KCNK15: variants seen among roughly 807,000 people sequenced by gnomAD.
KCNK15 encodes the protein potassium channel subfamily K member 15.
Under a neutral mutation model 8.5 loss-of-function variants are expected in KCNK15, and 9 were observed. That is an observed-to-expected ratio of 1.06 (90% CI 0.64 to 1.85). The LOEUF is 1.85. KCNK15 is among the 40% of genes most tolerant of loss of function. The pLI, the probability that KCNK15 is intolerant of heterozygous loss-of-function variation, is 0.00. For missense variants in KCNK15, 467 were observed against 476.8 expected, an observed-to-expected ratio of 0.98 and a Z score of 0.19; for synonymous variants, 224 against 232.7, an observed-to-expected ratio of 0.96 and a Z score of 0.34.
rs1180018302 is a variant in KCNK15 at position 44,746,132 on chromosome 20, C to T, written c.222C>T (p.Ala74=). 5 of 1,428,928 alleles carry T rather than the reference C, an allele frequency of 3.5e-6. No homozygotes were observed. Among genetic ancestry groups the T allele is most frequent in the Admixed American group, 5.5e-5 (2 of 36,354 alleles). The allele number at this position is 1,428,928 out of a possible 1,614,324, so 88.5% of individuals were successfully genotyped here. A position where few individuals can be genotyped will look rare whatever the true frequency, so the allele number is the denominator to read the frequency against. The part of the protein sequence containing the change: ...RLALQAEPHR[A]GRQWKFPGSF... ...CGCTCCAGGCTGAGCCCCACCGCGC[C>T]GGCCGCCAGTGGAAGTTCCCCGGCT... Residue 74 remains alanine, a synonymous_variant, in exon 1 of 2, where the codon GCC becomes GCT. Transcript: ENST00000372861.
rs1282898858 is a variant in KCNK15 at position 44,745,999 on chromosome 20, AG to A, written c.90del (p.Glu30AspfsTer91). The A allele has an allele frequency of 2.6e-6, 4 of 1,532,434 alleles. No homozygotes were observed. Among genetic ancestry groups the A allele is most frequent in the Non-Finnish European group, 3.5e-6 (4 of 1,140,446 alleles). The allele number at this position is 1,532,434 out of a possible 1,614,324, so 94.9% of individuals were successfully genotyped here. A position where few individuals can be genotyped will look rare whatever the true frequency, so the allele number is the denominator to read the frequency against. On this transcript the variant is annotated frameshift_variant, in exon 1 of 2. Coordinates refer to ENST00000372861, the MANE Select transcript of KCNK15 (RefSeq NM_022358.4). LOFTEE classifies it high-confidence loss of function. Reference protein sequence around the residue: ...LVGAAVFDALESEAESGRQRL... With the variant: ...LVGAAVFDALXSEAESGRQRL... The stretch of plus-strand genomic sequence containing the variant: ...GGCGCTGCTGTCTTCGACGCGCTCG[AG>A]TCCGAGGCGGAAAGCGGCCGCCAGC...
At position 44,751,332 on chromosome 20, in the gene KCNK15, T is replaced by G. The variant is rs1371829577; in HGVS notation, c.*494T>G. ...AGTCCAGTGTTGACAAGGGGGTCAA[T>G]CTCTTGCGCTAAACGATCTCATTCT... On this transcript the variant is annotated 3_prime_UTR_variant, in exon 2 of 2. Coordinates refer to ENST00000372861, the MANE Select transcript of KCNK15 (RefSeq NM_022358.4). The G allele has an allele frequency of 6.6e-6, 1 of 152,352 alleles. No individual in the cohort carries two copies. The highest frequency in any genetic ancestry group is 2.4e-5 in the African/African-American group (1 of 41,426). The allele number at this position is 152,352 out of a possible 1,614,324, so 9.4% of individuals were successfully genotyped here. A position where few individuals can be genotyped will look rare whatever the true frequency, so the allele number is the denominator to read the frequency against.
In KCNK15 at chr20:44,746,138, C is replaced by T. The variant is rs1367841623; in HGVS notation, c.228C>T (p.Arg76=). The T allele has an allele frequency of 7.0e-7, 1 of 1,424,388 alleles. No homozygotes were observed. Among genetic ancestry groups the T allele is most frequent in the Non-Finnish European group, 9.2e-7 (1 of 1,081,936 alleles). The allele number at this position is 1,424,388 out of a possible 1,614,324, so 88.2% of individuals were successfully genotyped here. A position where few individuals can be genotyped will look rare whatever the true frequency, so the allele number is the denominator to read the frequency against. The change falls in exon 1 of 2, where the codon CGC becomes CGT. Residue 76 remains arginine (R), a synonymous_variant. Transcript: ENST00000372861. The part of the protein sequence containing the change: ...ALQAEPHRAG[R]QWKFPGSFYF... ...AGGCTGAGCCCCACCGCGCCGGCCG[C>T]CAGTGGAAGTTCCCCGGCTCCTTCT...
At chr20:44,747,627 G>A (rs62204582) in intron 1 of KCNK15, among the ~76,000 whole-genome samples, 4,084 of 152,306 alleles carry the variant, frequency 0.027, 76 homozygotes, top group Admixed American at 0.048. Context: ...TCTGAGGTAC[G>A]TCTGGGAGGC....
At chr20:44,749,624 T>C (rs2073259413) in intron 1 of KCNK15, among the ~76,000 whole-genome samples, 1 of 152,126 alleles carries the variant, frequency 6.6e-6, no homozygotes, top group Admixed American at 6.6e-5. Context: ...GATGAACACC[T>C]GCCGCGTAAC....
intron 1 of KCNK15, among the ~76,000 whole-genome samples, chr20:44,748,122 C>G (rs181246614): frequency 6.6e-6 from 1 of 152,304 alleles, no homozygotes; most frequent in East Asian, 1.9e-4. Context: ...TCATTTCACT[C>G]TCTGCCAAAA....
Position 44,750,813 on chromosome 20 carries a change from TTGGGGCCCGG to T in KCNK15, c.972_981del (p.Ala325SerfsTer37). 6.8e-7 allele frequency: 1 copy of T among 1,477,504 alleles called. No homozygotes were observed. The highest frequency in any genetic ancestry group is 8.9e-7 in the Non-Finnish European group (1 of 1,118,154). 91.5% of individuals were successfully genotyped at this position (1,477,504 alleles called of 1,614,324 possible). A position where few individuals can be genotyped will look rare whatever the true frequency, so the allele number is the denominator to read the frequency against. On this transcript the variant is annotated frameshift_variant, in exon 2 of 2. Transcript: ENST00000372861. LOFTEE classifies it high-confidence loss of function. ...GTGCGTGGCGGGCAGGCTCCCAGGC[TTGGGGCCCGG>T]TGGAAGTCCATCTGACAACCCCACC...
At chr20:44,749,797 T>C (rs1015541034) in intron 1 of KCNK15, among the ~76,000 whole-genome samples, 9 of 152,186 alleles carry the variant, frequency 5.9e-5, no homozygotes, top group Non-Finnish European at 1.2e-4. Context: ...TAGGGAACCA[T>C]GCGGTCTGTA....
Position 44,750,312 on chromosome 20 carries a change from C to G in KCNK15, c.467C>G (p.Thr156Arg), listed in dbSNP as rs1312361039. Reference sequence around the variant, plus strand: ...GGCCTGCGGTGGACGTGCGTGTCCACGGAGAACCTGGTGGTGGCCGGGCTG... The same window carrying G: ...GGCCTGCGGTGGACGTGCGTGTCCAGGGAGAACCTGGTGGTGGCCGGGCTG... ...CLGLRWTCVSTENLVVAGLLA... is the reference protein window; with the variant it reads ...CLGLRWTCVSRENLVVAGLLA... Residue 156 changes from threonine to arginine, a missense_variant, in exon 2 of 2, where the codon ACG (threonine) becomes AGG (arginine). Coordinates refer to ENST00000372861, the MANE Select transcript of KCNK15 (RefSeq NM_022358.4). 4 of 1,608,384 alleles carry G rather than the reference C, an allele frequency of 2.5e-6. No homozygotes were observed. Among genetic ancestry groups the G allele is most frequent in the Admixed American group, 3.4e-5 (2 of 59,430 alleles).
intron 1 of KCNK15, among the ~76,000 whole-genome samples, chr20:44,747,999 C>T (rs531430177): frequency 6.9e-4 from 105 of 152,300 alleles, no homozygotes; most frequent in African/African-American, 2.5e-3. Flanking sequence ...GTTTTCTTAT[C>T]TATAAAATGG....
At chr20:44,747,675 G>C (rs2066013108) in intron 1 of KCNK15, among the ~76,000 whole-genome samples, 1 of 152,242 alleles carries the variant, frequency 6.6e-6, no homozygotes, top group African/African-American at 2.4e-5. Context: ...GAGGAATTTT[G>C]CCTTTTCTGG....
rs1237207154 is a variant in KCNK15, at chr20:44,750,825, G to T, written c.980G>T (p.Trp327Leu). The part of the protein sequence containing the change: ...GGQAPRLGAR[W>L]KSI ...CAGGCTCCCAGGCTTGGGGCCCGGT[G>T]GAAGTCCATCTGACAACCCCACCCA... Residue 327 changes from tryptophan to leucine, a missense_variant, in exon 2 of 2, where the codon TGG (tryptophan) becomes TTG (leucine). This residue lies in a region of KCNK15 where 455 missense variants were observed against 441.2 expected (regional missense o/e 1.03). Coordinates refer to ENST00000372861, the MANE Select transcript of KCNK15 (RefSeq NM_022358.4). The T allele has an allele frequency of 6.8e-7, 1 of 1,465,370 alleles. No homozygotes were observed. The highest frequency in any genetic ancestry group is 2.4e-5 in the Admixed American group (1 of 42,004). The allele number at this position is 1,465,370 out of a possible 1,614,324, so 90.8% of individuals were successfully genotyped here. A position where few individuals can be genotyped will look rare whatever the true frequency, so the allele number is the denominator to read the frequency against.
chr20:44,751,118 G>T lies in KCNK15; in HGVS notation c.*280G>T. 1 of 274,216 alleles carries T rather than the reference G, an allele frequency of 3.6e-6. No individual in the cohort carries two copies. Among genetic ancestry groups the T allele is most frequent in the Non-Finnish European group, 6.7e-6 (1 of 148,178 alleles). 17.0% of individuals were successfully genotyped at this position (274,216 alleles called of 1,614,324 possible). On this transcript the variant is annotated 3_prime_UTR_variant, in exon 2 of 2. Coordinates refer to ENST00000372861, the MANE Select transcript of KCNK15 (RefSeq NM_022358.4). ...CGTGGCCACATCAGCACTTAGGAGA[G>T]GCTCTGCACAGGTCCACCTCAGAGC...
chr20:44,747,574 A>G (rs2066012655), intron 1 of KCNK15, among the ~76,000 whole-genome samples: 1 of 152,146 alleles, frequency 6.6e-6, no homozygotes, highest in Non-Finnish European at 1.5e-5. Flanking sequence ...CATTCTTTGG[A>G]GGCTTGCCAT....
At position 44,745,869 on chromosome 20, in the gene KCNK15, G is replaced by C; in HGVS notation, c.-42G>C. ...GGCGGAGCGCGCGGTCCGGGCACAC[G>C]GAGCAGGTTGGGACCGCGGCGGGTA... On this transcript the variant is annotated 5_prime_UTR_variant, in exon 1 of 2. Transcript: ENST00000372861. 8.1e-7 allele frequency: 1 copy of C among 1,236,018 alleles called. No individual in the cohort carries two copies. Among genetic ancestry groups the C allele is most frequent in the Non-Finnish European group, 1.0e-6 (1 of 988,658 alleles). The allele number at this position is 1,236,018 out of a possible 1,614,324, so 76.6% of individuals were successfully genotyped here.
rs773734384 is a variant in KCNK15 at position 44,750,607 on chromosome 20, C to T, written c.762C>T (p.Pro254=). The change falls in exon 2 of 2, where the codon CCC becomes CCT. Residue 254 remains proline, a synonymous_variant. Coordinates refer to ENST00000372861, the MANE Select transcript of KCNK15 (RefSeq NM_022358.4). ...LRFLVASADW[P]ERAARTPSPR... ...TCCTCGTTGCCAGCGCCGACTGGCC[C>T]GAGCGCGCTGCCCGCACCCCCAGCC... 6.6e-5 allele frequency: 105 copies of T among 1,602,852 alleles called. No individual in the cohort carries two copies. In the Admixed American group the frequency reaches 1.0e-3, roughly 16 times the overall value.
At position 44,751,337 on chromosome 20, in the gene KCNK15, T is replaced by G. The variant is rs552579663; in HGVS notation, c.*499T>G. The G allele has an allele frequency of 1.3e-5, 2 of 152,502 alleles. No individual in the cohort carries two copies. The highest frequency in any genetic ancestry group is 4.1e-4 in the South Asian group (2 of 4,822). 9.4% of individuals were successfully genotyped at this position (152,502 alleles called of 1,614,324 possible). A position where few individuals can be genotyped will look rare whatever the true frequency, so the allele number is the denominator to read the frequency against. On this transcript the variant is annotated 3_prime_UTR_variant, in exon 2 of 2. Transcript: ENST00000372861. ...AGTGTTGACAAGGGGGTCAATCTCT[T>G]GCGCTAAACGATCTCATTCTCTGCC...
intron 1 of KCNK15, among the ~76,000 whole-genome samples, chr20:44,747,438 A>G (rs191446105): frequency 2.4e-4 from 37 of 152,260 alleles, no homozygotes; most frequent in Admixed American, 2.1e-3. Flanking sequence ...GCTCTTATTC[A>G]GCTCTTTTGC....
At position 44,750,274 on chromosome 20, in the gene KCNK15, C is replaced by T. The variant is rs960374519; in HGVS notation, c.429C>T (p.Ala143=). 3 of 1,606,066 alleles carry T rather than the reference C, an allele frequency of 1.9e-6. No homozygotes were observed. Among genetic ancestry groups the T allele is most frequent in the South Asian group, 2.2e-5 (2 of 90,370 alleles). Residue 143 remains alanine, a synonymous_variant, in exon 2 of 2, where the codon GCC becomes GCT. Coordinates refer to ENST00000372861, the MANE Select transcript of KCNK15 (RefSeq NM_022358.4). ...NAVVRRLLLA[A]KCCLGLRWTC... Reference sequence around the variant, plus strand: ...TGGTGCGGCGCCTCCTGTTGGCGGCCAAGTGCTGCCTGGGCCTGCGGTGGA... The same window carrying T: ...TGGTGCGGCGCCTCCTGTTGGCGGCTAAGTGCTGCCTGGGCCTGCGGTGGA...
Sources: gnomAD v4.1 joint callset for allele counts (sites outside exome capture counted in the v4.1 genomes callset) on GRCh38, gnomAD v4.1.1 for gene constraint, gnomAD v4.1.1 regional missense constraint, MANE v1.5 for transcripts, NCBI Gene and HGNC (gene_info 2026-07-23, HGNC 2026-07-21) for gene names.